Variants in CSMD1 observed in about 807,000 individuals in gnomAD.
The protein encoded by CSMD1 is CUB and sushi domain-containing protein 1.
CSMD1 carries 213 observed loss-of-function variants against 417.5 expected under a neutral mutation model. That is an observed-to-expected ratio of 0.51 (90% CI 0.46 to 0.57). The LOEUF (loss-of-function observed/expected upper bound fraction) is 0.57. Among genes scored for constraint, CSMD1 ranks in the 20% least tolerant of loss-of-function variants. The probability of loss-of-function intolerance (pLI) is 0.00; values close to 1 mark genes in which losing one functional copy is unlikely to be tolerated. For synonymous variants in CSMD1, 2,862 were observed against 1,736.8 expected (o/e 1.65, Z -16.11); for missense variants, 6,923 against 4,529.7 (o/e 1.53, Z -15.17).
chr8:2,956,694 G>A (rs1179962715), intron 63 of CSMD1, among the ~76,000 whole-genome samples: 1 of 152,022 alleles, frequency 6.6e-6, no homozygotes, highest in African/African-American at 2.4e-5. Context: ...CTGACCTCGT[G>A]ATCCACCTGC....
chr8:4,566,908 T>C (rs1196940143), intron 2 of CSMD1, among the ~76,000 whole-genome samples: 2 of 152,202 alleles, frequency 1.3e-5, no homozygotes, highest in South Asian at 2.1e-4. Flanking sequence ...TGAGAAAAAG[T>C]CAATTCAGGA....
chr8:4,796,088 G>A (rs1303172246), intron 1 of CSMD1, among the ~76,000 whole-genome samples: 3 of 152,200 alleles, frequency 2.0e-5, no homozygotes, highest in East Asian at 3.9e-4. Context: ...ACAAGTAAAT[G>A]TTCTTATTCC....
intron 26 of CSMD1, among the ~76,000 whole-genome samples, chr8:3,232,451 C>T (rs1307470262): frequency 6.6e-6 from 1 of 152,108 alleles, no homozygotes; most frequent in Admixed American, 6.6e-5. Flanking sequence ...GTATAGTTTT[C>T]CATTGCAGGA....
intron 2 of CSMD1, among the ~76,000 whole-genome samples, chr8:4,579,287 A>T (rs973538877): frequency 6.6e-6 from 1 of 151,394 alleles, no homozygotes; most frequent in Non-Finnish European, 1.5e-5. Context: ...ATGTATATAT[A>T]TAAAAAATCC....
At chr8:4,382,956 A>G (rs1803199917) in intron 3 of CSMD1, among the ~76,000 whole-genome samples, 1 of 152,202 alleles carries the variant, frequency 6.6e-6, no homozygotes, top group African/African-American at 2.4e-5. Context: ...AGCTGCATAT[A>G]CAGGGGATGA....
chr8:4,509,535 T>C (rs1802707073), intron 2 of CSMD1, among the ~76,000 whole-genome samples: 1 of 152,058 alleles, frequency 6.6e-6, no homozygotes, highest in Admixed American at 6.5e-5. Context: ...AGAGAGGAAA[T>C]CACATGGAAA....
intron 26 of CSMD1, among the ~76,000 whole-genome samples, chr8:3,264,243 C>G (rs1411762274): frequency 6.6e-6 from 1 of 152,076 alleles, no homozygotes; most frequent in African/African-American, 2.4e-5. Context: ...TGCGAATTCA[C>G]CAGTTCTTTA....
At chr8:3,978,639 C>G (rs998994174) in intron 5 of CSMD1, among the ~76,000 whole-genome samples, 1 of 152,130 alleles carries the variant, frequency 6.6e-6, no homozygotes, top group Non-Finnish European at 1.5e-5. Context: ...TCGCTGCTGT[C>G]TCTCCACCTC....
intron 38 of CSMD1, among the ~76,000 whole-genome samples, chr8:3,159,449 A>G (rs1477832562): frequency 1.3e-5 from 2 of 152,242 alleles, no homozygotes; most frequent in East Asian, 1.9e-4. Context: ...ATTTACTTTC[A>G]GCGTGTGATG....
intron 3 of CSMD1, among the ~76,000 whole-genome samples, chr8:4,370,712 G>A (rs370791297): frequency 1.5e-4 from 23 of 152,180 alleles, no homozygotes; most frequent in African/African-American, 3.9e-4. Flanking sequence ...TCCTCAGCTC[G>A]GTCTGTTATA....
At chr8:4,114,589 T>G (rs964248054) in intron 3 of CSMD1, among the ~76,000 whole-genome samples, 9 of 152,038 alleles carry the variant, frequency 5.9e-5, no homozygotes, top group Non-Finnish European at 1.0e-4. Flanking sequence ...CTTTCATAGG[T>G]AGGGATTCTT....
intron 2 of CSMD1, among the ~76,000 whole-genome samples, chr8:4,602,626 G>T (rs1458957260): frequency 6.6e-6 from 1 of 152,144 alleles, no homozygotes; most frequent in African/African-American, 2.4e-5. Context: ...GAAGTTTGAA[G>T]GCGTATTTTC....
At chr8:4,660,951 A>T (rs1185924232) in intron 1 of CSMD1, among the ~76,000 whole-genome samples, 1 of 152,198 alleles carries the variant, frequency 6.6e-6, no homozygotes, top group Non-Finnish European at 1.5e-5. Context: ...CTAAGCTTAA[A>T]AGAAAAATGA....
chr8:3,673,830 C>T (rs1167703241), intron 7 of CSMD1, among the ~76,000 whole-genome samples: 3 of 152,154 alleles, frequency 2.0e-5, no homozygotes, highest in African/African-American at 7.2e-5. Context: ...TAGGAACTCT[C>T]TGGAGGGCCA....
intron 3 of CSMD1, among the ~76,000 whole-genome samples, chr8:4,035,565 G>T (rs900920946): frequency 6.6e-6 from 1 of 152,110 alleles, no homozygotes; most frequent in African/African-American, 2.4e-5. Context: ...TGCAGGCCTA[G>T]GCTAGGGTGT....
intron 41 of CSMD1, chr8:3,128,856 G>T (rs143812488): frequency 4.4e-6 from 2 of 454,880 alleles, no homozygotes; most frequent in South Asian, 1.6e-5. Context: ...GCTTGGAATG[G>T]GGTGTCAAGA....
chr8:4,740,464 G>A (rs904085319), intron 1 of CSMD1, among the ~76,000 whole-genome samples: 1 of 152,150 alleles, frequency 6.6e-6, no homozygotes, highest in Non-Finnish European at 1.5e-5. Context: ...GTAGAGACAG[G>A]CTGGGATGTG....
intron 2 of CSMD1, among the ~76,000 whole-genome samples, chr8:4,601,674 C>T (rs1219485894): frequency 6.6e-6 from 1 of 152,118 alleles, no homozygotes; most frequent in African/African-American, 2.4e-5. Context: ...TCTCCATACC[C>T]CTCATCATGC....
intron 3 of CSMD1, among the ~76,000 whole-genome samples, chr8:4,333,781 G>T (rs1800006914): frequency 6.6e-6 from 1 of 152,084 alleles, no homozygotes; most frequent in Non-Finnish European, 1.5e-5. Flanking sequence ...CTTGACCTGG[G>T]TCTGCCCCTG....
Sources: gnomAD v4.1 joint callset for allele counts (sites outside exome capture counted in the v4.1 genomes callset) on GRCh38, gnomAD v4.1.1 for gene constraint, MANE v1.5 for transcripts, NCBI Gene and HGNC (gene_info 2026-07-23, HGNC 2026-07-21) for gene names.